LTF: variants seen among roughly 807,000 people sequenced by gnomAD.
LTF encodes lactotransferrin.
In LTF, 91 loss-of-function variants were observed where a neutral mutation model predicts 87.2. That is an observed-to-expected ratio of 1.04 (90% CI 0.88 to 1.24). LTF has a LOEUF of 1.24. Ranked by LOEUF, LTF falls within the 50% of genes most tolerant of loss-of-function variation. LTF has a pLI of 0.00. For missense variants in LTF, 901 were observed against 904.3 expected, an observed-to-expected ratio of 1.00 and a Z score of 0.05; for synonymous variants, 378 against 356.1, an observed-to-expected ratio of 1.06 and a Z score of -0.69.
At chr3:46,448,446 G>A (rs1008774930) in intron 9 of LTF, among the ~76,000 whole-genome samples, 1 of 152,116 alleles carries the variant, frequency 6.6e-6, no homozygotes, top group South Asian at 2.1e-4. Flanking sequence ...TTAGTGAAAA[G>A]GGCTTAAAAA....
chr3:46,482,798 GGAAGGAAA>G (rs1703467605), intron 1 of LTF, among the ~76,000 whole-genome samples: 1 of 108,074 alleles, frequency 9.3e-6, no homozygotes, highest in Non-Finnish European at 2.0e-5. Flanking sequence ...AAAGAAAGAA[GGAAGGAAA>G]GAAAGAAAGA....
Position 46,475,515 on chromosome 3 carries a change from AACACACACACAC to A in LTF, c.-319-5061_-319-5050del, listed in dbSNP as rs59984149. Reference sequence around the variant, plus strand: ...GTCACTTTCATCTGCTCTCCCCCTAAACACACACACACACACACACACACACACACACACACA... The same window carrying A: ...GTCACTTTCATCTGCTCTCCCCCTAAACACACACACACACACACACACACA... On this transcript the variant is annotated intron_variant, in intron 1 of 19. Transcript: ENST00000443496. Among the ~76,000 whole-genome samples the A allele has an allele frequency of 1.5e-3, 193 of 131,060 alleles. 1 individual carries two copies. The highest frequency in any genetic ancestry group is 6.7e-3 in the South Asian group (24 of 3,576). The allele number at this position is 131,060 out of a possible 152,430, so 86.0% of individuals were successfully genotyped here.
intron 10 of LTF, 135 bp from the exon 11 acceptor site, chr3:46,446,628 T>C (rs910567229): frequency 2.8e-5 from 19 of 679,824 alleles, no homozygotes; most frequent in Non-Finnish European, 4.0e-5. Context: ...GAAATGCGTC[T>C]ATATGTTCAA....
chr3:46,484,176 C>G (rs1703486906), intron 1 of LTF, among the ~76,000 whole-genome samples: 2 of 152,154 alleles, frequency 1.3e-5, no homozygotes, highest in African/African-American at 4.8e-5. Flanking sequence ...AAGACAAGAG[C>G]ATGGAAATTC....
chr3:46,436,855 C>T (rs1702398349), intron 16 of LTF, among the ~76,000 whole-genome samples: 1 of 152,224 alleles, frequency 6.6e-6, no homozygotes, highest in African/African-American at 2.4e-5. Flanking sequence ...CTGATAATAA[C>T]CCTTTATTGC....
At chr3:46,466,319 C>A (rs1703212959), upstream of LTF, among the ~76,000 whole-genome samples, 1 of 152,160 alleles carries the variant, frequency 6.6e-6, no homozygotes, top group African/African-American at 2.4e-5. Context: ...ACCTGAACAC[C>A]TTTCTTGGCA....
chr3:46,444,871 C>T (rs1005300415), intron 12 of LTF, among the ~76,000 whole-genome samples: 3 of 152,086 alleles, frequency 2.0e-5, no homozygotes, highest in Non-Finnish European at 2.9e-5. Context: ...GTAGAGTAAG[C>T]GTCAGTTTTG....
chr3:46,459,585 G>C, intron 2 of LTF, 71 bp downstream of exon 2: 1 of 1,334,544 alleles, frequency 7.5e-7, no homozygotes, highest in Non-Finnish European at 9.8e-7. Context: ...GAGAGCTCGT[G>C]TTCTATCTTT....
chr3:46,438,306 T>C (rs543939324), intron 15 of LTF, among the ~76,000 whole-genome samples, 177 bp from the exon 16 acceptor site: 1 of 152,324 alleles, frequency 6.6e-6, no homozygotes, highest in Middle Eastern at 3.4e-3. Flanking sequence ...ACACTCCTGG[T>C]GGCAGGCCCG....
chr3:46,448,318 G>A (rs535261068), intron 9 of LTF, among the ~76,000 whole-genome samples: 1 of 151,886 alleles, frequency 6.6e-6, no homozygotes, highest in East Asian at 1.9e-4. Context: ...AGTGAGATGT[G>A]GTCGCACCAC....
chr3:46,478,359 C>A (rs547626382), intron 1 of LTF, among the ~76,000 whole-genome samples: 1 of 152,320 alleles, frequency 6.6e-6, no homozygotes, highest in Non-Finnish European at 1.5e-5. Context: ...ACAAGGGAAG[C>A]TTTCCCAGAA....
intron 2 of LTF, among the ~76,000 whole-genome samples, chr3:46,459,092 T>A (rs545813574): frequency 6.6e-6 from 1 of 152,224 alleles, no homozygotes; most frequent in Non-Finnish European, 1.5e-5. Flanking sequence ...ATTTGTTGAA[T>A]GAATGAGTAA....
At chr3:46,471,838 G>A (rs931171551) in intron 1 of LTF, among the ~76,000 whole-genome samples, 1 of 152,188 alleles carries the variant, frequency 6.6e-6, no homozygotes, top group African/African-American at 2.4e-5. Context: ...AAGCAGCAAG[G>A]GCACCGGGAG....
chr3:46,447,641 C>T (rs1456334038), intron 9 of LTF, among the ~76,000 whole-genome samples: 3 of 152,238 alleles, frequency 2.0e-5, no homozygotes, highest in Admixed American at 6.5e-5. Flanking sequence ...CACTAATCCT[C>T]TGTCCTCTGA....
At position 46,436,230 on chromosome 3, in the gene LTF, C is replaced by T. The variant is rs879001620; in HGVS notation, c.2099-1G>A. ...AGGAATTCACAGGCTTCCAGGAGGG[C>T]TGTGGGACACAACAGAGCAAGAGAT... On this transcript the variant is annotated splice_acceptor_variant, in intron 16 of 16. Transcript: ENST00000231751. LOFTEE classifies it high-confidence loss of function. 6.2e-7 allele frequency: 1 copy of T among 1,613,960 alleles called. No individual in the cohort carries two copies. Among genetic ancestry groups the T allele is most frequent in the East Asian group, 2.2e-5 (1 of 44,880 alleles).
chr3:46,482,506 AAGGGAAGGGAAG>A (rs1703446081), intron 1 of LTF, among the ~76,000 whole-genome samples: 1 of 17,094 alleles, frequency 5.9e-5, no homozygotes, highest in South Asian at 2.4e-3. Context: ...AAGGGAAGGG[AAGGGAAGGGAAG>A]GGAAGGGAAG....
chr3:46,456,282 G>A lies in LTF; in HGVS notation c.316+8C>T. 6.2e-7 allele frequency: 1 copy of A among 1,613,134 alleles called. No homozygotes were observed. The highest frequency in any genetic ancestry group is 8.5e-7 in the Non-Finnish European group (1 of 1,179,144). On this transcript the variant is annotated splice_region_variant and intron_variant, in intron 3 of 16. Coordinates refer to ENST00000231751, the MANE Select transcript of LTF (RefSeq NM_002343.6). ...ACCGTGGCCTCTGGGTCCCCAGGCA[G>A]AACTCACGTCTTTCGGTCCCGTAGA...
intron 1 of LTF, among the ~76,000 whole-genome samples, chr3:46,472,425 T>A (rs1027088945): frequency 6.6e-6 from 1 of 150,506 alleles, no homozygotes; most frequent in African/African-American, 2.5e-5. Flanking sequence ...CAAAACTTCA[T>A]CCTAAGCAAA....
At chr3:46,466,246 CAA>C (rs369166941), upstream of LTF, among the ~76,000 whole-genome samples, 3 of 137,560 alleles carry the variant, frequency 2.2e-5, no homozygotes, top group Admixed American at 7.3e-5. Context: ...TAACCCCCAC[CAA>C]AAAAAAAAAG....
Sources: gnomAD v4.1 joint callset for allele counts (sites outside exome capture counted in the v4.1 genomes callset) on GRCh38, gnomAD v4.1.1 for gene constraint, MANE v1.5 for transcripts, NCBI Gene and HGNC (gene_info 2026-07-23, HGNC 2026-07-21) for gene names.